The following SMG6 variants were observed in gnomAD, a reference collection of about 807,000 sequenced individuals.
SMG6 encodes the protein SMG6 nonsense mediated mRNA decay factor, also known as telomerase-binding protein EST1A.
A neutral mutation model predicts 142.2 loss-of-function variants in SMG6; 66 were observed. The observed-to-expected ratio is 0.46, with a 90% CI of 0.38 to 0.57. SMG6 has a LOEUF of 0.57. SMG6 is among the 20% of genes least tolerant of loss of function. SMG6 has a pLI of 0.00. For missense variants in SMG6, 1,793 were observed against 1,832.0 expected (o/e 0.98, Z 0.39); for synonymous variants, 779 against 702.4 (o/e 1.11, Z -1.72).
At chr17:2,088,735 A>C in intron 13 of SMG6, 1 of 985,406 alleles carries the variant, frequency 1.0e-6, no homozygotes, top group Non-Finnish European at 1.2e-6. Context: ...TCTTTAGTAG[A>C]TGGAGAAACT....
At chr17:2,290,024 G>A (rs2074997692) in intron 6 of SMG6, among the ~76,000 whole-genome samples, 2 of 150,816 alleles carry the variant, frequency 1.3e-5, no homozygotes, top group African/African-American at 4.9e-5. Context: ...TAGCAAATCA[G>A]CACATGAAAA....
At chr17:2,242,689 TAAAAAAAAAAAAA>T (rs57079220) in intron 9 of SMG6, among the ~76,000 whole-genome samples, 9 of 55,838 alleles carry the variant, frequency 1.6e-4, no homozygotes, top group Non-Finnish European at 2.5e-4. Flanking sequence ...TCCATCTCTT[TAAAAAAAAAAAAA>T]AAAAAAAAAA....
At chr17:2,291,946 G>T (rs1387935129) in intron 6 of SMG6, among the ~76,000 whole-genome samples, 1 of 151,678 alleles carries the variant, frequency 6.6e-6, no homozygotes, top group Non-Finnish European at 1.5e-5. Context: ...ACCTACCACT[G>T]GTCCCCACTT....
At chr17:2,081,675 G>A (rs957624003) in intron 15 of SMG6, 135 bp downstream of exon 15, 20 of 1,050,524 alleles carry the variant, frequency 1.9e-5, no homozygotes, top group Admixed American at 6.6e-5. Context: ...AGTGAAAAAC[G>A]GGTAGAGCTA....
chr17:2,235,078 T>C (rs1013207281), intron 10 of SMG6, among the ~76,000 whole-genome samples: 4 of 152,182 alleles, frequency 2.6e-5, no homozygotes, highest in Non-Finnish European at 5.9e-5. Flanking sequence ...GCTTCCTACT[T>C]GGTAGCAGAC....
intron 15 of SMG6, among the ~76,000 whole-genome samples, chr17:2,070,572 C>G (rs1039224923): frequency 2.0e-5 from 3 of 152,184 alleles, no homozygotes; most frequent in African/African-American, 7.2e-5. Flanking sequence ...CTGACAATGA[C>G]AGTAAAACTG....
At chr17:2,170,189 T>C (rs1287384193) in intron 13 of SMG6, among the ~76,000 whole-genome samples, 3 of 152,162 alleles carry the variant, frequency 2.0e-5, no homozygotes, top group Non-Finnish European at 4.4e-5. Flanking sequence ...AGTGGAGACC[T>C]ACCTTAGTCT....
chr17:2,102,088 C>T (rs1275246320), intron 13 of SMG6, among the ~76,000 whole-genome samples: 1 of 152,228 alleles, frequency 6.6e-6, no homozygotes, highest in East Asian at 1.9e-4. Flanking sequence ...AGTGGAACGA[C>T]AGTGTCGTGG....
rs985150326 is a variant in SMG6, at chr17:2,300,616, C to T, written c.137G>A (p.Arg46His). ...AGGCTTATAGATTTCCAGATCTGGA[C>T]GCCTGTTATCTTTGCGCGGCCTGGC... ...KEARPRKDNR[R>H]PDLEIYKPGL... Residue 46 changes from arginine (R) to histidine (H), a missense_variant, in exon 2 of 19, where the codon CGT becomes CAT. Transcript: ENST00000263073. The T allele has an allele frequency of 3.1e-6, 5 of 1,607,440 alleles. No homozygotes were observed. In the Admixed American group the frequency reaches 5.2e-5, roughly 17 times the overall value.
rs201641597 is a variant in SMG6, at chr17:2,065,632, G to T, written c.3883C>A (p.Arg1295=). Reference sequence around the variant, plus strand: ...ACCACACGGGCGTAGCCCCCAGCCCGGTGGTCTGTCTCCTGCCCCTTGGCC... The same window carrying T: ...ACCACACGGGCGTAGCCCCCAGCCCTGTGGTCTGTCTCCTGCCCCTTGGCC... The part of the protein sequence containing the change: ...GLAKGQETDH[R]AGGYARVVQE... Residue 1295 remains arginine (R), a synonymous_variant, in exon 17 of 19, where the codon CGG becomes AGG. Coordinates refer to ENST00000263073, the MANE Select transcript of SMG6 (RefSeq NM_017575.5). 6.2e-7 allele frequency: 1 copy of T among 1,613,824 alleles called. No homozygotes were observed. The highest frequency in any genetic ancestry group is 1.7e-5 in the Admixed American group (1 of 60,024).
chr17:2,196,123 T>C (rs1484314036), intron 10 of SMG6, among the ~76,000 whole-genome samples: 6 of 152,078 alleles, frequency 3.9e-5, no homozygotes, highest in African/African-American at 1.2e-4. Flanking sequence ...AAAATGCTGA[T>C]GAAAATCAAA....
In SMG6 at chr17:2,127,765, C is replaced by G. The variant is rs982673838; in HGVS notation, c.3358-41864G>C. On this transcript the variant is annotated intron_variant, in intron 13 of 18. Transcript: ENST00000263073. ...ATGTAGTTTGAGTTTTATTTTCTCA[C>G]GTTCTGCTCTGAGGGCTGAAAATTC... 98 of 555,586 alleles carry G rather than the reference C, an allele frequency of 1.8e-4. 1 individual carries two copies. In the Admixed American group the frequency reaches 1.9e-3, roughly 11 times the overall value. 34.4% of individuals were successfully genotyped at this position (555,586 alleles called of 1,614,324 possible).
Position 2,067,624 on chromosome 17 carries a change from C to T in SMG6, c.3835+1154G>A, listed in dbSNP as rs544988233. Among the ~76,000 whole-genome samples, 111 of 152,256 alleles carry T rather than the reference C, an allele frequency of 7.3e-4. 1 individual carries two copies. The highest frequency in any genetic ancestry group is 2.6e-3 in the African/African-American group (106 of 41,530). On this transcript the variant is annotated intron_variant, in intron 16 of 18. Coordinates refer to ENST00000263073, the MANE Select transcript of SMG6 (RefSeq NM_017575.5). Reference sequence around the variant, plus strand: ...AAGAGCAGAAAGCCTTCCCTTAGGTCTAAGGGCCTGGATTTAAGAGGTTCT... The same window carrying T: ...AAGAGCAGAAAGCCTTCCCTTAGGTTTAAGGGCCTGGATTTAAGAGGTTCT...
intron 8 of SMG6, among the ~76,000 whole-genome samples, chr17:2,275,421 C>A (rs1192692390): frequency 6.6e-6 from 1 of 152,106 alleles, no homozygotes; most frequent in African/African-American, 2.4e-5. Flanking sequence ...GACTCTGTCA[C>A]AAAACAAAAC....
chr17:2,153,684 GA>G (rs1311337630), intron 13 of SMG6, among the ~76,000 whole-genome samples: 7 of 144,686 alleles, frequency 4.8e-5, no homozygotes. Flanking sequence ...TGTAGAGTGT[GA>G]CGGTGACTGG....
At chr17:2,094,824 T>G (rs1031731634) in intron 13 of SMG6, 1 of 152,228 alleles carries the variant, frequency 6.6e-6, no homozygotes, top group Non-Finnish European at 1.5e-5. Context: ...CAAAGCCAGA[T>G]AGGAGTCTGG....
At chr17:2,193,006 C>CT (rs2151702654) in intron 10 of SMG6, among the ~76,000 whole-genome samples, 1 of 152,312 alleles carries the variant, frequency 6.6e-6, no homozygotes, top group East Asian at 1.9e-4. Flanking sequence ...CAGAGGCTGA[C>CT]TGAGTGTAAA....
At chr17:2,211,320 G>A (rs893129316) in intron 10 of SMG6, among the ~76,000 whole-genome samples, 9 of 152,034 alleles carry the variant, frequency 5.9e-5, no homozygotes, top group Admixed American at 5.2e-4. Flanking sequence ...CTGACTTGAA[G>A]GAAAATAAAT....
chr17:2,167,182 A>AG (rs1235553586), intron 13 of SMG6, among the ~76,000 whole-genome samples: 1 of 121,500 alleles, frequency 8.2e-6, no homozygotes, highest in African/African-American at 3.5e-5. Context: ...ACTAAAAGGC[A>AG]GGCAAAAAAA....
Sources: allele counts gnomAD v4.1 joint callset (sites outside exome capture counted in the v4.1 genomes callset), GRCh38; gene constraint gnomAD v4.1.1; transcripts MANE v1.5; gene names NCBI Gene and HGNC (gene_info 2026-07-23, HGNC 2026-07-21).